The following FGGY variants were observed in gnomAD, a reference collection of about 807,000 sequenced individuals.
FGGY encodes the protein FGGY carbohydrate kinase domain-containing protein.
A neutral mutation model predicts 71.3 loss-of-function variants in FGGY; 72 were observed. The observed-to-expected ratio is 1.01, with a 90% CI of 0.84 to 1.23. FGGY has a LOEUF of 1.23. FGGY is among the 50% of genes most tolerant of loss of function. The pLI, the probability that FGGY is intolerant of heterozygous loss-of-function variation, is 0.00. For missense variants in FGGY, 668 were observed against 682.3 expected (o/e 0.98, Z 0.23); for synonymous variants, 251 against 250.3 (o/e 1.00, Z -0.02).
intron 7 of FGGY, among the ~76,000 whole-genome samples, chr1:59,537,270 G>C (rs370608261): frequency 0.042 from 6,431 of 151,518 alleles, 181 homozygotes; most frequent in South Asian, 0.073. Context: ...GAATAAAATA[G>C]CTAGGAATCC....
chr1:59,500,075 T>G (rs7544168), intron 6 of FGGY, among the ~76,000 whole-genome samples: 4,319 of 152,214 alleles, frequency 0.028, 193 homozygotes, highest in African/African-American at 0.099. Flanking sequence ...CCATATTCTG[T>G]CTAGTAAATG....
At chr1:59,743,394 T>C (rs1207940) in intron 14 of FGGY, among the ~76,000 whole-genome samples, 6,636 of 152,282 alleles carry the variant, frequency 0.044, 507 homozygotes, top group African/African-American at 0.15. Flanking sequence ...TCTGGTTGCC[T>C]CCTCTATCCA....
chr1:59,610,677 G>A (rs780371250), intron 9 of FGGY, among the ~76,000 whole-genome samples: 1 of 152,216 alleles, frequency 6.6e-6, no homozygotes. Flanking sequence ...AGGACAGTGG[G>A]TGCAGCCCAC....
intron 6 of FGGY, chr1:59,474,152 AAGAGCC>A (rs2093141844): frequency 6.6e-6 from 1 of 152,262 alleles, no homozygotes; most frequent in Non-Finnish European, 1.5e-5. Flanking sequence ...AATAGCCCTA[AAGAGCC>A]AGAAGGGCAA....
chr1:59,337,488 A>G (rs543476841), intron 2 of FGGY, among the ~76,000 whole-genome samples: 36 of 152,182 alleles, frequency 2.4e-4, no homozygotes, highest in Admixed American at 2.3e-3. Flanking sequence ...CCACATGTCA[A>G]TCTCCTCTGG....
At chr1:59,507,621 G>A (rs371459374) in intron 6 of FGGY, among the ~76,000 whole-genome samples, 25 of 150,964 alleles carry the variant, frequency 1.7e-4, no homozygotes, top group African/African-American at 4.9e-4. Flanking sequence ...GGGTTCAAGC[G>A]ATTCTCCTGC....
intron 14 of FGGY, among the ~76,000 whole-genome samples, chr1:59,693,445 TTAAG>T (rs2097613628): frequency 1.3e-5 from 2 of 152,226 alleles, no homozygotes; most frequent in Admixed American, 1.3e-4. Flanking sequence ...GTTGTGATGA[TTAAG>T]TAAGTTAATA....
At chr1:59,326,600 A>T (rs1428453442) in intron 2 of FGGY, among the ~76,000 whole-genome samples, 1 of 152,198 alleles carries the variant, frequency 6.6e-6, no homozygotes, top group Non-Finnish European at 1.5e-5. Context: ...GATGGGTCAA[A>T]CCTATGCATT....
At chr1:59,616,305 A>T (rs1475406262) in intron 9 of FGGY, among the ~76,000 whole-genome samples, 1 of 152,262 alleles carries the variant, frequency 6.6e-6, no homozygotes, top group Non-Finnish European at 1.5e-5. Flanking sequence ...CTATGCAGCC[A>T]TAAAAATGAG....
intron 14 of FGGY, among the ~76,000 whole-genome samples, chr1:59,742,620 A>G (rs2098160750): frequency 6.6e-6 from 1 of 152,368 alleles, no homozygotes; most frequent in South Asian, 2.1e-4. Context: ...GCTTACAGCC[A>G]TCTCAATCTA....
intron 7 of FGGY, among the ~76,000 whole-genome samples, chr1:59,517,627 G>T (rs147101863): frequency 1.6e-4 from 25 of 152,216 alleles, no homozygotes; most frequent in African/African-American, 5.8e-4. Flanking sequence ...GTTGACTTAA[G>T]CACTCTCTTT....
intron 5 of FGGY, among the ~76,000 whole-genome samples, chr1:59,385,761 G>A (rs2060003284): frequency 6.6e-6 from 1 of 152,116 alleles, no homozygotes; most frequent in South Asian, 2.1e-4. Flanking sequence ...GAAGCTAAGA[G>A]CTTTAGAGAA....
At chr1:59,719,677 G>C (rs902353216) in intron 14 of FGGY, among the ~76,000 whole-genome samples, 1 of 152,162 alleles carries the variant, frequency 6.6e-6, no homozygotes, top group Non-Finnish European at 1.5e-5. Context: ...GCAAATATGG[G>C]ATGTATAATT....
chr1:59,638,768 C>G (rs1031118931), intron 11 of FGGY, among the ~76,000 whole-genome samples: 2 of 152,270 alleles, frequency 1.3e-5, no homozygotes, highest in African/African-American at 4.8e-5. Context: ...AGCCACACAT[C>G]TGCCTAGGCT....
chr1:59,579,971 A>G (rs1284557255), intron 8 of FGGY, among the ~76,000 whole-genome samples: 2 of 152,120 alleles, frequency 1.3e-5, no homozygotes, highest in Non-Finnish European at 2.9e-5. Context: ...TTCATGTAAG[A>G]TAGCAAGCAC....
rs79626325 is a variant in FGGY, at chr1:59,595,105, C to T, written c.904-12698C>T. ...AAGGAACAGGCTTTGGAGTCAGACC[C>T]AGATCAAATCCCCATTCTGCTACTT... On this transcript the variant is annotated intron_variant, in intron 8 of 15. Transcript: ENST00000303721. 1.3e-3 allele frequency among the ~76,000 whole-genome samples: 192 copies of T among 152,282 alleles called. 4 individuals are homozygous for T. In the East Asian group the frequency reaches 0.032, roughly 25 times the overall value.
At chr1:59,575,471 T>G (rs2096062083) in intron 8 of FGGY, among the ~76,000 whole-genome samples, 1 of 152,222 alleles carries the variant, frequency 6.6e-6, no homozygotes, top group African/African-American at 2.4e-5. Context: ...AGTATTTTGT[T>G]TTGAATCTAT....
Position 59,490,677 on chromosome 1 carries a change from A to G in FGGY, c.671-21634A>G, listed in dbSNP as rs140526165. 1.6e-3 allele frequency among the ~76,000 whole-genome samples: 245 copies of G among 152,124 alleles called. 1 individual carries two copies. Among genetic ancestry groups the G allele is most frequent in the African/African-American group, 5.9e-3 (243 of 41,514 alleles). On this transcript the variant is annotated intron_variant, in intron 6 of 15. Coordinates refer to ENST00000303721, the MANE Select transcript of FGGY (RefSeq NM_018291.5). ...GGTCTTGTGTTTAGGTCTTTGATCC[A>G]TTTTGAGTTGTTTTTTGCATAGAGT...
intron 5 of FGGY, among the ~76,000 whole-genome samples, chr1:59,452,587 G>A (rs1379919391): frequency 1.3e-5 from 2 of 152,168 alleles, no homozygotes; most frequent in Non-Finnish European, 2.9e-5. Flanking sequence ...CATTAAGTTA[G>A]TTAATGTTTT....
Sources: allele counts gnomAD v4.1 joint callset (sites outside exome capture counted in the v4.1 genomes callset), GRCh38; gene constraint gnomAD v4.1.1; transcripts MANE v1.5; gene names NCBI Gene and HGNC (gene_info 2026-07-23, HGNC 2026-07-21).